PIK3C2G: variants seen among roughly 807,000 people sequenced by gnomAD.
PIK3C2G encodes the protein phosphatidylinositol 3-kinase C2 domain-containing subunit gamma.
PIK3C2G carries 168 observed loss-of-function variants against 181.1 expected under a neutral mutation model. That is an observed-to-expected ratio of 0.93 (90% CI 0.82 to 1.05). The LOEUF (loss-of-function observed/expected upper bound fraction) is 1.05. Among genes scored for constraint, PIK3C2G ranks in the 50% least tolerant of loss-of-function variants. The probability of loss-of-function intolerance (pLI) is 0.00; values close to 1 mark genes in which losing one functional copy is unlikely to be tolerated. For missense variants in PIK3C2G, 1,869 were observed against 1,732.8 expected, an observed-to-expected ratio of 1.08 and a Z score of -1.40; for synonymous variants, 573 against 592.2, an observed-to-expected ratio of 0.97 and a Z score of 0.47.
At chr12:18,699,912 AAGATC>A in the PIK3C2G span, 1 of 1,612,184 alleles carries the variant, frequency 6.2e-7, no homozygotes, top group Non-Finnish European at 8.5e-7. Flanking sequence ...TATAAATGAC[AAGATC>A]AGATAAGGCC....
At chr12:18,572,789 T>G (rs1946029649) in intron 29 of PIK3C2G, among the ~76,000 whole-genome samples, 1 of 152,144 alleles carries the variant, frequency 6.6e-6, no homozygotes, top group Non-Finnish European at 1.5e-5. Flanking sequence ...TTATTTTGTT[T>G]CTTCATGCCT....
At chr12:18,530,386 A>T (rs934638761) in intron 24 of PIK3C2G, among the ~76,000 whole-genome samples, 1 of 152,070 alleles carries the variant, frequency 6.6e-6, no homozygotes, top group East Asian at 1.9e-4. Flanking sequence ...TCCCTCTCAA[A>T]TAATATTTTT....
intron 29 of PIK3C2G, among the ~76,000 whole-genome samples, chr12:18,577,546 T>C (rs992740809): frequency 6.6e-6 from 1 of 152,190 alleles, no homozygotes; most frequent in African/African-American, 2.4e-5. Context: ...AAGGCATTTA[T>C]ATCATCAAAC....
chr12:18,695,778 C>G, the PIK3C2G span, among the ~76,000 whole-genome samples: 4 of 152,090 alleles, frequency 2.6e-5, no homozygotes, highest in Non-Finnish European at 5.9e-5. Flanking sequence ...AATGTAGAAG[C>G]TCATGTAAAG....
At chr12:18,334,338 A>G (rs1019758393) in intron 8 of PIK3C2G, among the ~76,000 whole-genome samples, 4 of 152,266 alleles carry the variant, frequency 2.6e-5, no homozygotes, top group Non-Finnish European at 5.9e-5. Context: ...TAGGTGTGCA[A>G]CCATTTGTTC....
At chr12:18,463,245 T>G (rs902992590) in intron 18 of PIK3C2G, among the ~76,000 whole-genome samples, 1 of 152,200 alleles carries the variant, frequency 6.6e-6, no homozygotes, top group Non-Finnish European at 1.5e-5. Flanking sequence ...GCTATTTCAC[T>G]ATTTGATTTT....
At chr12:18,708,080 T>C in the PIK3C2G span, among the ~76,000 whole-genome samples, 4 of 152,232 alleles carry the variant, frequency 2.6e-5, no homozygotes, top group African/African-American at 9.6e-5. Context: ...TTATTACCTA[T>C]AATCCTCATA....
intron 8 of PIK3C2G, among the ~76,000 whole-genome samples, chr12:18,329,582 C>T (rs555913233): frequency 6.6e-6 from 1 of 151,974 alleles, no homozygotes; most frequent in Non-Finnish European, 1.5e-5. Flanking sequence ...GAGATTTATC[C>T]ACCTTTTTCC....
chr12:18,699,868 G>A, the PIK3C2G span: 2 of 1,612,936 alleles, frequency 1.2e-6, no homozygotes, highest in Admixed American at 1.7e-5. Context: ...ATATAATCTT[G>A]AATGTTGAAA....
the PIK3C2G span, among the ~76,000 whole-genome samples, chr12:18,701,332 A>T: frequency 5.9e-5 from 9 of 152,272 alleles, no homozygotes; most frequent in African/African-American, 2.2e-4. Flanking sequence ...GAGGCAATTT[A>T]AAAAATTCAT....
intron 15 of PIK3C2G, among the ~76,000 whole-genome samples, chr12:18,396,320 T>C (rs1943890239): frequency 6.6e-6 from 1 of 151,662 alleles, no homozygotes; most frequent in Non-Finnish European, 1.5e-5. Context: ...CAGCACCCAT[T>C]CATGATAAAA....
At chr12:18,605,099 G>A (rs185139725) in intron 30 of PIK3C2G, among the ~76,000 whole-genome samples, 86 of 152,238 alleles carry the variant, frequency 5.6e-4, no homozygotes, top group African/African-American at 1.9e-3. Flanking sequence ...GAAACAAAAA[G>A]CTGGTTCTTT....
chr12:18,704,596 G>C, the PIK3C2G span, among the ~76,000 whole-genome samples: 1 of 152,044 alleles, frequency 6.6e-6, no homozygotes, highest in Non-Finnish European at 1.5e-5. Flanking sequence ...CAAGGTGCTG[G>C]GATTACAGGC....
At chr12:18,513,208 T>C (rs562438734) in intron 24 of PIK3C2G, among the ~76,000 whole-genome samples, 55 of 151,984 alleles carry the variant, frequency 3.6e-4, no homozygotes, top group Middle Eastern at 6.8e-3. Flanking sequence ...TAATATTTTC[T>C]TGAGTATTTT....
intron 7 of PIK3C2G, 93 bp downstream of exon 7, chr12:18,321,125 C>T (rs1212072595): frequency 1.4e-6 from 1 of 696,290 alleles, no homozygotes; most frequent in African/African-American, 1.8e-5. Flanking sequence ...AAAAACTGTC[C>T]ATTCACTGGG....
At chr12:18,406,185 T>C (rs56016349) in intron 16 of PIK3C2G, among the ~76,000 whole-genome samples, 16,408 of 152,116 alleles carry the variant, frequency 0.11, 1,184 homozygotes, top group Admixed American at 0.25. Flanking sequence ...TCCAAGTTCA[T>C]TCGTGCTATC....
the PIK3C2G span, among the ~76,000 whole-genome samples, chr12:18,677,208 ATGCACAAAT>A: frequency 1.3e-5 from 2 of 152,126 alleles, no homozygotes; most frequent in African/African-American, 4.8e-5. Flanking sequence ...CCACAATATG[ATGCACAAAT>A]ATGTGAGCAC....
the PIK3C2G span, chr12:18,701,569 C>T: frequency 6.2e-7 from 1 of 1,613,818 alleles, no homozygotes; most frequent in Non-Finnish European, 8.5e-7. Context: ...TGATTGTCTC[C>T]TAAAACAGAT....
chr12:18,493,510 TA>T (rs1940753897), intron 20 of PIK3C2G: 1 of 152,340 alleles, frequency 6.6e-6, no homozygotes, highest in African/African-American at 2.4e-5. Flanking sequence ...CCTACAAATA[TA>T]ATGGGTATGG....
Sources: gnomAD v4.1 joint callset for allele counts (sites outside exome capture counted in the v4.1 genomes callset) on GRCh38, gnomAD v4.1.1 for gene constraint, MANE v1.5 for transcripts, NCBI Gene and HGNC (gene_info 2026-07-23, HGNC 2026-07-21) for gene names.